TBC1D8B: variants seen among roughly 807,000 people sequenced by gnomAD.
The protein encoded by TBC1D8B is TBC1 domain family member 8B, also known as RP11-321G1.1.
Under a neutral mutation model 82.9 loss-of-function variants are expected in TBC1D8B, and 75 were observed. The ratio of observed to expected loss-of-function variants is 0.90; its 90% CI spans 0.75 to 1.10. The LOEUF (loss-of-function observed/expected upper bound fraction) is 1.10. TBC1D8B is among the 50% of genes least tolerant of loss of function. The pLI, the probability that TBC1D8B is intolerant of heterozygous loss-of-function variation, is 0.00. For synonymous variants in TBC1D8B, 276 were observed against 276.8 expected, an observed-to-expected ratio of 1.00 and a Z score of 0.03; for missense variants, 794 against 796.9, an observed-to-expected ratio of 1.00 and a Z score of 0.04.
At chrX:106,843,793 C>T (rs1230771893) in intron 10 of TBC1D8B, among the ~76,000 whole-genome samples, 2 of 110,226 alleles carry the variant, frequency 1.8e-5, no homozygotes, top group South Asian at 3.8e-4. Context: ...AGATCAATTT[C>T]GGGAGTATTT....
chrX:106,840,171 AGAG>A lies in TBC1D8B; in HGVS notation c.1481_1483del (p.Gly494del), dbSNP rs779411573. ...TGTAAGAGGGATTCCAGAAACATTA[AGAG>A]GAGAACTCTGGATGCTTTTTTCAGG... On this transcript the variant is annotated inframe_deletion, in exon 9 of 21. Coordinates refer to ENST00000357242, the MANE Select transcript of TBC1D8B (RefSeq NM_017752.3). 2 of 1,209,674 alleles carry A rather than the reference AGAG, an allele frequency of 1.7e-6. No individual in the cohort carries two copies. The highest frequency in any genetic ancestry group is 1.8e-5 in the South Asian group (1 of 56,399).
chrX:106,812,213 G>A (rs754638281), intron 1 of TBC1D8B, among the ~76,000 whole-genome samples: 1 of 111,691 alleles, frequency 9.0e-6, no homozygotes. Flanking sequence ...CAAAGTAATA[G>A]AATCAGGAAA....
intron 7 of TBC1D8B, among the ~76,000 whole-genome samples, chrX:106,836,066 C>A (rs1339848187): frequency 1.8e-5 from 2 of 111,791 alleles, no homozygotes; most frequent in Non-Finnish European, 3.8e-5. Flanking sequence ...CTATATTAGT[C>A]CTTTCTTACA....
chrX:106,824,051 G>A (rs1931770953), intron 5 of TBC1D8B, among the ~76,000 whole-genome samples: 1 of 111,131 alleles, frequency 9.0e-6, no homozygotes, highest in Admixed American at 9.6e-5. Context: ...TAAAATATGA[G>A]GCAAATATTA....
chrX:106,863,207 T>C (rs929178588), intron 14 of TBC1D8B, among the ~76,000 whole-genome samples: 1 of 111,724 alleles, frequency 9.0e-6, no homozygotes, highest in Non-Finnish European at 1.9e-5. Context: ...CAGAATATTT[T>C]AGTGTTGTCT....
At position 106,802,834 on chromosome X, in the gene TBC1D8B, C is replaced by CG. The variant is rs1569447388; in HGVS notation, c.-14dup. The stretch of plus-strand genomic sequence containing the variant: ...AGGAGGGCATCTAGGTCACTGCTCC[C>CG]GGGGGGCACAAAGTTCGCGATGTGG... On this transcript the variant is annotated 5_prime_UTR_variant, in exon 1 of 21. Coordinates refer to ENST00000357242, the MANE Select transcript of TBC1D8B (RefSeq NM_017752.3). 2.5e-6 allele frequency: 3 copies of CG among 1,209,416 alleles called. No homozygotes were observed. Among genetic ancestry groups the CG allele is most frequent in the South Asian group, 1.8e-5 (1 of 56,714 alleles).
Position 106,841,899 on chromosome X carries a change from C to T in TBC1D8B, c.1719+1015C>T, listed in dbSNP as rs772571865. Reference sequence around the variant, plus strand: ...GGCTAGGCTTGAAAGGGGCAAATATCACTTCATGCACATTCTATTGGATGA... The same window carrying T: ...GGCTAGGCTTGAAAGGGGCAAATATTACTTCATGCACATTCTATTGGATGA... On this transcript the variant is annotated intron_variant, in intron 10 of 20. Transcript: ENST00000357242. Among the ~76,000 whole-genome samples the T allele has an allele frequency of 6.3e-5, 7 of 111,500 alleles. No homozygotes were observed. In the South Asian group the frequency reaches 1.1e-3, roughly 18 times the overall value.
At chrX:106,827,921 G>C (rs758899791) in intron 7 of TBC1D8B, 133 of 110,688 alleles carry the variant, frequency 1.2e-3, no homozygotes, top group African/African-American at 4.3e-3. Flanking sequence ...GCTAGCAGAA[G>C]GCAAGAAATA....
At chrX:106,846,383 C>T (rs1932452734) in intron 10 of TBC1D8B, among the ~76,000 whole-genome samples, 1 of 105,275 alleles carries the variant, frequency 9.5e-6, no homozygotes, top group African/African-American at 3.5e-5. Flanking sequence ...GCTAGGATTA[C>T]AGGCATGAGC....
At chrX:106,838,560 G>C (rs763845300) in intron 7 of TBC1D8B, among the ~76,000 whole-genome samples, 1 of 111,559 alleles carries the variant, frequency 9.0e-6, no homozygotes, top group South Asian at 3.8e-4. Flanking sequence ...CCCTGTACAT[G>C]TATTCATTCT....
At chrX:106,861,243 T>G (rs1166008062) in intron 14 of TBC1D8B, among the ~76,000 whole-genome samples, 1 of 111,547 alleles carries the variant, frequency 9.0e-6, no homozygotes, top group Admixed American at 9.5e-5. Context: ...TAGGTCCGTT[T>G]GGTCAAGTGT....
Position 106,854,299 on chromosome X carries a change from A to G in TBC1D8B, c.2352+3A>G. ...AGGAAACAACAAAACAGAATGTGGT[A>G]AGTATGCAACCAATGAGGAAAAACC... On this transcript the variant is annotated splice_donor_region_variant and intron_variant, in intron 14 of 20. Coordinates refer to ENST00000357242, the MANE Select transcript of TBC1D8B (RefSeq NM_017752.3). The G allele has an allele frequency of 1.7e-6, 2 of 1,147,971 alleles. No individual in the cohort carries two copies. Among genetic ancestry groups the G allele is most frequent in the Non-Finnish European group, 2.3e-6 (2 of 859,483 alleles). 94.6% of individuals were successfully genotyped at this position (1,147,971 alleles called of 1,213,427 possible).
At chrX:106,814,756 C>T (rs1316445463) in intron 1 of TBC1D8B, 6 of 111,813 alleles carry the variant, frequency 5.4e-5, no homozygotes, top group Non-Finnish European at 1.1e-4. Context: ...TGTGAGATGG[C>T]ATCTCATAGT....
intron 14 of TBC1D8B, among the ~76,000 whole-genome samples, chrX:106,858,123 C>T (rs771461072): frequency 2.1e-4 from 23 of 111,869 alleles, no homozygotes; most frequent in South Asian, 3.8e-4. Context: ...TTGTGTGAGA[C>T]GGTATCTCAT....
In TBC1D8B at chrX:106,835,408, C is replaced by A. The variant is rs188253000; in HGVS notation, c.1204-3900C>A. Reference sequence around the variant, plus strand: ...GGGCCCTGGGCCAGGTTCACGAAACCATTTTTCCCTCCTAGGCTTCCAGGC... The same window carrying A: ...GGGCCCTGGGCCAGGTTCACGAAACAATTTTTCCCTCCTAGGCTTCCAGGC... On this transcript the variant is annotated intron_variant, in intron 7 of 20. Transcript: ENST00000357242. 2.7e-3 allele frequency among the ~76,000 whole-genome samples: 308 copies of A among 112,192 alleles called. 2 individuals are homozygous for A. The highest frequency in any genetic ancestry group is 9.4e-3 in the African/African-American group (292 of 30,927).
chrX:106,817,157 C>T (rs1047226057), intron 1 of TBC1D8B, among the ~76,000 whole-genome samples: 3 of 111,407 alleles, frequency 2.7e-5, no homozygotes, highest in African/African-American at 9.8e-5. Context: ...ATATTTCAGC[C>T]ATCCCATTGA....
intron 19 of TBC1D8B, 102 bp downstream of exon 19, chrX:106,869,643 G>C: frequency 1.9e-6 from 1 of 539,224 alleles, no homozygotes; most frequent in Admixed American, 3.6e-5. Flanking sequence ...AAAGGCTATT[G>C]ATGTCTCAGA....
chrX:106,874,057 G>C lies in TBC1D8B; in HGVS notation c.*92G>C. The C allele has an allele frequency of 1.0e-6, 1 of 986,044 alleles. No individual in the cohort carries two copies. The highest frequency in any genetic ancestry group is 3.2e-5 in the East Asian group (1 of 31,378). 81.3% of individuals were successfully genotyped at this position (986,044 alleles called of 1,213,427 possible). A position where few individuals can be genotyped will look rare whatever the true frequency, so the allele number is the denominator to read the frequency against. On this transcript the variant is annotated 3_prime_UTR_variant, in exon 21 of 21. Coordinates refer to ENST00000357242, the MANE Select transcript of TBC1D8B (RefSeq NM_017752.3). The stretch of plus-strand genomic sequence containing the variant: ...TGAGTAGGGCTCAGGGATTTATCTT[G>C]TTACCAATGTGTCTGAAGGCCAAAA...
At chrX:106,830,505 C>T (rs1260430051) in intron 7 of TBC1D8B, among the ~76,000 whole-genome samples, 2 of 110,846 alleles carry the variant, frequency 1.8e-5, no homozygotes, top group African/African-American at 3.3e-5. Flanking sequence ...CATATGTTTA[C>T]TGCGGCATTA....
Sources: gnomAD v4.1 joint callset for allele counts (sites outside exome capture counted in the v4.1 genomes callset) on GRCh38, gnomAD v4.1.1 for gene constraint, MANE v1.5 for transcripts, NCBI Gene and HGNC (gene_info 2026-07-23, HGNC 2026-07-21) for gene names.